Variants in FBXL2 observed in about 807,000 individuals in gnomAD.
FBXL2 encodes the protein F-box/LRR-repeat protein 2.
FBXL2 carries 38 observed loss-of-function variants against 69.2 expected under a neutral mutation model. The observed-to-expected ratio is 0.55, with a 90% CI of 0.42 to 0.72. The LOEUF (loss-of-function observed/expected upper bound fraction) is 0.72, where lower values mean the gene tolerates loss of function less well. Ranked by LOEUF, FBXL2 falls within the 30% of genes least tolerant of loss-of-function variation. The pLI, the probability that FBXL2 is intolerant of heterozygous loss-of-function variation, is 0.00. For synonymous variants in FBXL2, 192 were observed against 201.3 expected (o/e 0.95, Z 0.39); for missense variants, 354 against 520.3 (o/e 0.68, Z 3.11).
Position 33,304,397 on chromosome 3 carries a change from G to A in FBXL2, c.65+6672G>A, listed in dbSNP as rs145748905. On this transcript the variant is annotated intron_variant, in intron 2 of 14. Transcript: ENST00000484457. ...TTACTTTTGCTTGTTTATTAACTTCGTAAAAAAAGTATATGGTATATTCTT... is the reference window on the plus strand; with the variant it reads ...TTACTTTTGCTTGTTTATTAACTTCATAAAAAAAGTATATGGTATATTCTT... Among the ~76,000 whole-genome samples the A allele has an allele frequency of 1.6e-4, 25 of 151,846 alleles. No homozygotes were observed. The East Asian group carries it at 2.3e-3, about 14-fold the overall frequency.
chr3:33,279,314 A>C (rs2033698170), intron 1 of FBXL2, among the ~76,000 whole-genome samples: 1 of 149,366 alleles, frequency 6.7e-6, no homozygotes, highest in African/African-American at 2.5e-5. Context: ...TCTGTCGCCC[A>C]GGCTGGAGTG....
chr3:33,371,434 G>A (rs1361016822), intron 5 of FBXL2, among the ~76,000 whole-genome samples: 1 of 151,078 alleles, frequency 6.6e-6, no homozygotes, highest in African/African-American at 2.4e-5. Flanking sequence ...GCTTCCCAAA[G>A]TGCTGGGATT....
chr3:33,299,962 C>G (rs1175226637), intron 2 of FBXL2, among the ~76,000 whole-genome samples: 1 of 152,128 alleles, frequency 6.6e-6, no homozygotes, highest in Non-Finnish European at 1.5e-5. Flanking sequence ...GGATGCCATC[C>G]ACATTGACTA....
chr3:33,406,739 A>G (rs1042845669), downstream of FBXL2, among the ~76,000 whole-genome samples: 1 of 152,204 alleles, frequency 6.6e-6, no homozygotes, highest in African/African-American at 2.4e-5. Flanking sequence ...GCCTGGGCTC[A>G]TAGTTATGGT....
At chr3:33,378,270 G>T in intron 12 of FBXL2, 123 bp downstream of exon 12, 1 of 1,017,612 alleles carries the variant, frequency 9.8e-7, no homozygotes. Context: ...CTCAGTGGCA[G>T]GGCTTGGAAA....
chr3:33,362,343 G>A (rs1384768006), intron 4 of FBXL2, among the ~76,000 whole-genome samples: 3 of 152,180 alleles, frequency 2.0e-5, no homozygotes, highest in Non-Finnish European at 4.4e-5. Context: ...ATCTAAAAGT[G>A]ATAACTCCAG....
chr3:33,412,915 G>A, the FBXL2 span: 6 of 837,102 alleles, frequency 7.2e-6, no homozygotes, highest in East Asian at 2.4e-5. Flanking sequence ...TTAACCTGTA[G>A]CAGTAGAACA....
downstream of FBXL2, chr3:33,389,909 C>T (rs2043690997): frequency 6.0e-6 from 1 of 166,370 alleles, no homozygotes; most frequent in African/African-American, 2.4e-5. Flanking sequence ...CCCCCATCTC[C>T]TCTCCAGGTC....
Position 33,373,018 on chromosome 3 carries a change from G to A in FBXL2, c.291-74G>A, listed in dbSNP as rs2042393091. The A allele has an allele frequency of 4.0e-6, 5 of 1,265,030 alleles. No homozygotes were observed. The African/African-American group carries it at 5.9e-5, about 15-fold the overall frequency. The allele number at this position is 1,265,030 out of a possible 1,614,324, so 78.4% of individuals were successfully genotyped here. A position where few individuals can be genotyped will look rare whatever the true frequency, so the allele number is the denominator to read the frequency against. On this transcript the variant is annotated intron_variant, in intron 5 of 14. Coordinates refer to ENST00000484457, the MANE Select transcript of FBXL2 (RefSeq NM_012157.5). Reference sequence around the variant, plus strand: ...AGTTTGAGGGAGCGCTGTTCTAAGCGTGAATGGTTTCATATGCCCTCTAGT... The same window carrying A: ...AGTTTGAGGGAGCGCTGTTCTAAGCATGAATGGTTTCATATGCCCTCTAGT...
chr3:33,421,166 A>G, the FBXL2 span, among the ~76,000 whole-genome samples: 2 of 152,224 alleles, frequency 1.3e-5, no homozygotes, highest in Non-Finnish European at 2.9e-5. Flanking sequence ...AAAGCCAGCT[A>G]TGTGTACTCC....
At chr3:33,393,380 G>A in intron 12 of FBXL2, 1 of 1,612,942 alleles carries the variant, frequency 6.2e-7, no homozygotes, top group Non-Finnish European at 8.5e-7. Context: ...TGGTGGAGAG[G>A]GATATTAAAC....
chr3:33,412,072 A>G, the FBXL2 span, among the ~76,000 whole-genome samples: 1 of 151,888 alleles, frequency 6.6e-6, no homozygotes, highest in African/African-American at 2.4e-5. Flanking sequence ...CTGTAGTCCC[A>G]GCTACTCAAA....
intron 1 of FBXL2, among the ~76,000 whole-genome samples, chr3:33,290,275 A>G (rs964780836): frequency 6.6e-6 from 1 of 152,216 alleles, no homozygotes; most frequent in African/African-American, 2.4e-5. Context: ...CAGCTCAACT[A>G]TAGATTAAAA....
At chr3:33,332,657 A>C (rs1487228426) in intron 2 of FBXL2, among the ~76,000 whole-genome samples, 1 of 152,196 alleles carries the variant, frequency 6.6e-6, no homozygotes, top group Non-Finnish European at 1.5e-5. Context: ...ACTTATTCAG[A>C]GCTAAATAGT....
At chr3:33,390,495 G>A (rs909844574), downstream of FBXL2, 1 of 957,974 alleles carries the variant, frequency 1.0e-6, no homozygotes, top group African/African-American at 1.7e-5. Flanking sequence ...TGATTCTAGA[G>A]AAACAAGCAG....
chr3:33,353,017 A>G lies in FBXL2; in HGVS notation c.66-5950A>G, dbSNP rs562681006. Among the ~76,000 whole-genome samples the G allele has an allele frequency of 2.6e-5, 4 of 152,380 alleles. No homozygotes were observed. The Middle Eastern group carries it at 0.01, about 389-fold the overall frequency. ...TTTTACCAAAGAAGATATGCAGATG[A>G]CAAGCATAAGAAAAGATGCTTAATA... On this transcript the variant is annotated intron_variant, in intron 2 of 14. Coordinates refer to ENST00000484457, the MANE Select transcript of FBXL2 (RefSeq NM_012157.5).
chr3:33,397,036 G>A, intron 12 of FBXL2: 2 of 1,586,636 alleles, frequency 1.3e-6, no homozygotes, highest in Non-Finnish European at 1.7e-6. Flanking sequence ...ACAGTTCACA[G>A]TATTTTACCT....
At chr3:33,374,378 T>TC (rs1203350430) in intron 9 of FBXL2, among the ~76,000 whole-genome samples, 4 of 152,216 alleles carry the variant, frequency 2.6e-5, no homozygotes, top group Non-Finnish European at 5.9e-5. Context: ...GGCATTTTCA[T>TC]CAGGACATTA....
chr3:33,304,316 G>A (rs9846263), intron 2 of FBXL2, among the ~76,000 whole-genome samples: 4,069 of 152,040 alleles, frequency 0.027, 174 homozygotes, highest in African/African-American at 0.092. Context: ...TTGTATTTAT[G>A]ATTTCTTGCT....
Sources: gnomAD v4.1 joint callset for allele counts (sites outside exome capture counted in the v4.1 genomes callset) on GRCh38, gnomAD v4.1.1 for gene constraint, MANE v1.5 for transcripts, NCBI Gene and HGNC (gene_info 2026-07-23, HGNC 2026-07-21) for gene names.